Variants in PLCE1 observed in about 807,000 individuals in gnomAD.
PLCE1 encodes phospholipase C epsilon 1.
In PLCE1, 119 loss-of-function variants were observed where a neutral mutation model predicts 242.8. The observed-to-expected ratio is 0.49, with a 90% CI of 0.42 to 0.57. The LOEUF (loss-of-function observed/expected upper bound fraction) is 0.57, where lower values mean the gene tolerates loss of function less well. Among genes scored for constraint, PLCE1 ranks in the 20% least tolerant of loss-of-function variants. PLCE1 has a pLI of 0.00. For missense variants in PLCE1, 2,441 were observed against 2,788.8 expected, an observed-to-expected ratio of 0.88 and a Z score of 2.81; for synonymous variants, 945 against 1,017.4, an observed-to-expected ratio of 0.93 and a Z score of 1.35.
At chr10:94,032,299 T>G (rs754844659) in intron 2 of PLCE1, 47 bp downstream of exon 2, 6 of 1,587,624 alleles carry the variant, frequency 3.8e-6, no homozygotes, top group Non-Finnish European at 8.6e-7. Context: ...CTTGCTTTTT[T>G]TTTCAAAAAA....
At chr10:94,310,932 C>A (rs2053367714) in intron 27 of PLCE1, among the ~76,000 whole-genome samples, 1 of 152,112 alleles carries the variant, frequency 6.6e-6, no homozygotes, top group Non-Finnish European at 1.5e-5. Context: ...GACTTCTGAC[C>A]AAACAGCTAT....
chr10:94,308,691 G>C lies in PLCE1; in HGVS notation c.5995G>C (p.Ala1999Pro), dbSNP rs1222657238. 3 of 1,582,906 alleles carry C rather than the reference G, an allele frequency of 1.9e-6. No individual in the cohort carries two copies. The highest frequency in any genetic ancestry group is 1.7e-6 in the Non-Finnish European group (2 of 1,151,722). The stretch of plus-strand genomic sequence containing the variant: ...AAATTCCTCTGGCAATACCATGTCA[G>C]CCTCTTCGGTAATGAAGTTCTGTTT... ...EENSSGNTMS[A>P]SSMFNTEERK... The change falls in exon 27 of 33, where the codon GCC becomes CCC. Residue 1999 changes from alanine to proline, a missense_variant. Physicochemically the swap from Ala to Pro is conservative, Grantham distance 27. This residue lies in a region of PLCE1 where 1,004 missense variants were observed against 1,322.7 expected (regional missense o/e 0.76). Transcript: ENST00000371380.
At chr10:94,008,564 C>A (rs915450406) in intron 1 of PLCE1, among the ~76,000 whole-genome samples, 1 of 152,198 alleles carries the variant, frequency 6.6e-6, no homozygotes, top group African/African-American at 2.4e-5. Flanking sequence ...CTGCCTCAGC[C>A]TCCAAAAGTG....
chr10:94,035,555 C>T (rs182256121), intron 2 of PLCE1, among the ~76,000 whole-genome samples: 46 of 152,274 alleles, frequency 3.0e-4, no homozygotes, highest in African/African-American at 1.1e-3. Flanking sequence ...GAACTTTTAT[C>T]CCCTTGGTCT....
At chr10:94,053,413 T>G (rs776105081) in intron 2 of PLCE1, among the ~76,000 whole-genome samples, 20 of 152,248 alleles carry the variant, frequency 1.3e-4, no homozygotes, top group African/African-American at 4.8e-4. Context: ...GCTCTTTATG[T>G]CTGAGCAAAT....
At chr10:94,160,114 A>G (rs2047561290) in intron 3 of PLCE1, among the ~76,000 whole-genome samples, 1 of 152,204 alleles carries the variant, frequency 6.6e-6, no homozygotes, top group Non-Finnish European at 1.5e-5. Flanking sequence ...CATGATTTAT[A>G]ATCCTCTGGG....
chr10:93,997,731 G>T (rs1423334794), intron 1 of PLCE1, among the ~76,000 whole-genome samples: 1 of 141,116 alleles, frequency 7.1e-6, no homozygotes, highest in Non-Finnish European at 1.5e-5. Flanking sequence ...AAATTGTTTA[G>T]CAGTTGAGGT....
intron 2 of PLCE1, among the ~76,000 whole-genome samples, chr10:94,113,100 A>G (rs541815167): frequency 3.5e-4 from 54 of 152,304 alleles, no homozygotes; most frequent in African/African-American, 1.3e-3. Flanking sequence ...GCTTAGGGCT[A>G]GTGAGGATGG....
rs376511806 is a variant in PLCE1, at chr10:94,298,608, G to A, written c.5397G>A (p.Pro1799=). The stretch of plus-strand genomic sequence containing the variant: ...CCACCCGCATCGACTCTTCCAACCC[G>A]AACCCCCTCATGTTCTGGCTCCATG... ...PAATRIDSSN[P]NPLMFWLHGI... The change falls in exon 24 of 33, where the codon CCG becomes CCA. Residue 1799 remains proline, a synonymous_variant. Coordinates refer to ENST00000371380, the MANE Select transcript of PLCE1 (RefSeq NM_016341.4). This position sits in a 1 kb window ranked among gnomAD's most constrained non-coding sequence, Gnocchi z 5.2. The A allele has an allele frequency of 3.5e-5, 56 of 1,613,996 alleles. No individual in the cohort carries two copies. The highest frequency in any genetic ancestry group is 1.9e-4 in the African/African-American group (14 of 74,964).
intron 2 of PLCE1, chr10:94,100,415 C>T (rs1321637815): frequency 1.3e-5 from 2 of 152,022 alleles, no homozygotes; most frequent in Non-Finnish European, 2.9e-5. Context: ...GAAACAGGAC[C>T]CTGGGTAATA....
chr10:94,069,930 T>G (rs2044305030), intron 2 of PLCE1, among the ~76,000 whole-genome samples: 1 of 152,156 alleles, frequency 6.6e-6, no homozygotes, highest in African/African-American at 2.4e-5. Context: ...TTATTGGAAA[T>G]AAAGTACCAG....
intron 3 of PLCE1, among the ~76,000 whole-genome samples, chr10:94,153,492 T>C (rs1003485539): frequency 6.6e-6 from 1 of 152,080 alleles, no homozygotes; most frequent in Non-Finnish European, 1.5e-5. Flanking sequence ...CTAAAAACTT[T>C]CCGCCTAAGA....
rs2053205315 is a variant in PLCE1, at chr10:94,306,355, C to T, written c.5623-72C>T. Reference sequence around the variant, plus strand: ...CTTGGGATTCCTTTGCAGAGGGAAGCAGTGAGGTGCAGAGGTTGTCTTTCT... The same window carrying T: ...CTTGGGATTCCTTTGCAGAGGGAAGTAGTGAGGTGCAGAGGTTGTCTTTCT... On this transcript the variant is annotated intron_variant, in intron 25 of 32. Transcript: ENST00000371380. This position sits in a 1 kb window ranked among gnomAD's most constrained non-coding sequence, Gnocchi z 5.7. The T allele has an allele frequency of 6.2e-7, 1 of 1,612,282 alleles. No individual in the cohort carries two copies. The highest frequency in any genetic ancestry group is 1.3e-5 in the African/African-American group (1 of 74,886).
chr10:94,100,944 C>G (rs2045510944), intron 2 of PLCE1, among the ~76,000 whole-genome samples: 1 of 152,144 alleles, frequency 6.6e-6, no homozygotes, highest in African/African-American at 2.4e-5. Context: ...TGGAGTGTGA[C>G]TTAGCTGTAG....
At chr10:94,189,790 C>T (rs117042484) in intron 4 of PLCE1, among the ~76,000 whole-genome samples, 1,849 of 152,220 alleles carry the variant, frequency 0.012, 22 homozygotes, top group Non-Finnish European at 0.02. Context: ...GCGTGGCTTT[C>T]GGAATAAGTG....
At chr10:94,055,649 T>C (rs1442798290) in intron 2 of PLCE1, among the ~76,000 whole-genome samples, 1 of 152,112 alleles carries the variant, frequency 6.6e-6, no homozygotes, top group South Asian at 2.1e-4. Context: ...ACTTCCTAGG[T>C]GTAAGTCCCA....
intron 1 of PLCE1, among the ~76,000 whole-genome samples, chr10:94,013,460 G>T (rs1332911250): frequency 2.0e-5 from 3 of 152,158 alleles, no homozygotes; most frequent in South Asian, 2.1e-4. Context: ...TGGCATATCT[G>T]ATCTCATTTG....
Position 94,132,305 on chromosome 10 carries a change from C to G in PLCE1, c.1338C>G (p.Val446=). 1.9e-6 allele frequency: 3 copies of G among 1,613,978 alleles called. No homozygotes were observed. The highest frequency in any genetic ancestry group is 2.5e-6 in the Non-Finnish European group (3 of 1,179,974). The stretch of plus-strand genomic sequence containing the variant: ...TTGGTCCATGCTTAAAGCAATGTGT[C>G]CGAGACACTGTATGTGAGTATCGCG... The part of the protein sequence containing the change: ...ISVGPCLKQC[V]RDTVCEYRAT... The change falls in exon 3 of 33, where the codon GTC becomes GTG. Residue 446 remains valine (V), a synonymous_variant. Transcript: ENST00000371380.
chr10:94,165,671 A>T (rs187015825), intron 3 of PLCE1, among the ~76,000 whole-genome samples: 18 of 152,142 alleles, frequency 1.2e-4, no homozygotes, highest in Non-Finnish European at 2.2e-4. Context: ...GCATGAGAAG[A>T]TTGAGATTTT....
Sources: allele counts gnomAD v4.1 joint callset (sites outside exome capture counted in the v4.1 genomes callset), GRCh38; gene constraint gnomAD v4.1.1; regional missense constraint gnomAD v4.1.1; non-coding constraint Gnocchi (gnomAD v3.1); transcripts MANE v1.5; gene names NCBI Gene and HGNC (gene_info 2026-07-23, HGNC 2026-07-21).